LYZL1: variants seen among roughly 807,000 people sequenced by gnomAD.
LYZL1 encodes the protein lysozyme like 1, also known as lysozyme-like protein 1.
In LYZL1, 16 loss-of-function variants were observed where a neutral mutation model predicts 17.9. That is an observed-to-expected ratio of 0.90 (90% CI 0.61 to 1.36). LYZL1 has a LOEUF of 1.36. Among genes scored for constraint, LYZL1 ranks in the 40% most tolerant of loss-of-function variants. The pLI is 0.00. For missense variants in LYZL1, 149 were observed against 188.4 expected (o/e 0.79, Z 1.22); for synonymous variants, 58 against 71.8 (o/e 0.81, Z 0.97).
In LYZL1 at chr10:29,289,189, G is replaced by A. The variant is rs2132809221; in HGVS notation, c.-67G>A. On this transcript the variant is annotated 5_prime_UTR_variant, in exon 1 of 5. Coordinates refer to ENST00000649382, the MANE Select transcript of LYZL1 (RefSeq NM_032517.6). ...GTGTTTCTTCCGCAGACTCAACTGA[G>A]AAGTCAGCCTCTGGGGCAGGCACCA... 6.2e-7 allele frequency: 1 copy of A among 1,601,170 alleles called. No individual in the cohort carries two copies. The highest frequency in any genetic ancestry group is 1.7e-4 in the Middle Eastern group (1 of 5,998).
At chr10:29,303,548 A>T (rs1018971454) in intron 3 of LYZL1, among the ~76,000 whole-genome samples, 1 of 152,184 alleles carries the variant, frequency 6.6e-6, no homozygotes, top group Non-Finnish European at 1.5e-5. Flanking sequence ...GTTTCATTCC[A>T]GTTAAGGAAG....
intron 3 of LYZL1, among the ~76,000 whole-genome samples, chr10:29,293,139 T>C (rs1249986440): frequency 1.4e-5 from 2 of 144,194 alleles, no homozygotes; most frequent in African/African-American, 2.5e-5. Flanking sequence ...TTTTTCTTTT[T>C]TTTTTTTTTT....
At position 29,292,655 on chromosome 10, in the gene LYZL1, C is replaced by T; in HGVS notation, c.276C>T (p.Asn92=). The part of the protein sequence containing the change: ...WCRRGKLKEN[N]HCHVACSALI... ...GACGCGGAAAGCTGAAGGAGAACAA[C>T]CACTGCCATGTCGCCTGCTCAGGTG... Residue 92 remains asparagine, a synonymous_variant, in exon 3 of 5, where the codon AAC becomes AAT. Coordinates refer to ENST00000649382, the MANE Select transcript of LYZL1 (RefSeq NM_032517.6). 6 of 1,614,096 alleles carry T rather than the reference C, an allele frequency of 3.7e-6. No homozygotes were observed. Among genetic ancestry groups the T allele is most frequent in the Non-Finnish European group, 3.4e-6 (4 of 1,179,964 alleles).
At chr10:29,303,783 G>C (rs1272845877) in intron 3 of LYZL1, among the ~76,000 whole-genome samples, 3 of 152,140 alleles carry the variant, frequency 2.0e-5, no homozygotes, top group African/African-American at 7.2e-5. Flanking sequence ...TTTTTTATTA[G>C]AACAATGTCA....
At chr10:29,310,034 G>A in intron 3 of LYZL1, 76 bp from the exon 4 acceptor site, 1 of 1,016,752 alleles carries the variant, frequency 9.8e-7, no homozygotes. Context: ...ACTGAGAAAA[G>A]TGAAGTAAAG....
chr10:29,316,844 G>A (rs1030313823), intron 3 of LYZL1, among the ~76,000 whole-genome samples: 4 of 151,610 alleles, frequency 2.6e-5, no homozygotes, highest in South Asian at 2.1e-4. Flanking sequence ...AGCCTCCCAC[G>A]TAGCTGGGAC....
Position 29,293,127 on chromosome 10 carries a change from C to CTTTTTTTTTTTTTTT in LYZL1, c.298+456_298+457insTTTTTTTTTTTTTTT, listed in dbSNP as rs778807136. Among the ~76,000 whole-genome samples, 5 of 104,196 alleles carry CTTTTTTTTTTTTTTT rather than the reference C, an allele frequency of 4.8e-5. 1 individual carries two copies. The highest frequency in any genetic ancestry group is 9.9e-5 in the Non-Finnish European group (5 of 50,618). The allele number at this position is 104,196 out of a possible 152,430, so 68.4% of individuals were successfully genotyped here. Reference sequence around the variant, plus strand: ...TCTTTCTTTTTTTTTCTTTTCTTTTCTTTTTTCTTTTTTTTTTTTTTTTGA... The same window carrying CTTTTTTTTTTTTTTT: ...TCTTTCTTTTTTTTTCTTTTCTTTTCTTTTTTTTTTTTTTTTTTTTTCTTTTTTTTTTTTTTTTGA... On this transcript the variant is annotated intron_variant, in intron 3 of 4. Transcript: ENST00000649382.
downstream of LYZL1, among the ~76,000 whole-genome samples, chr10:29,313,534 T>A (rs1835696634): frequency 6.6e-6 from 1 of 152,214 alleles, no homozygotes; most frequent in Non-Finnish European, 1.5e-5. Context: ...ACATTGGCTG[T>A]CCTAACATTA....
chr10:29,312,579 C>T (rs16930149), downstream of LYZL1, among the ~76,000 whole-genome samples: 5,337 of 152,234 alleles, frequency 0.035, 160 homozygotes, highest in South Asian at 0.079. Flanking sequence ...CAACCTTAGA[C>T]GTGCAGATTT....
intron 3 of LYZL1, among the ~76,000 whole-genome samples, chr10:29,307,011 C>A (rs191717848): frequency 6.6e-6 from 1 of 152,190 alleles, no homozygotes; most frequent in African/African-American, 2.4e-5. Context: ...CATGCCACCA[C>A]GCCTGGCTAA....
At chr10:29,307,020 A>G (rs748945727) in intron 3 of LYZL1, among the ~76,000 whole-genome samples, 2 of 151,982 alleles carry the variant, frequency 1.3e-5, no homozygotes, top group Non-Finnish European at 2.9e-5. Flanking sequence ...ACGCCTGGCT[A>G]ATTTTTGTAT....
downstream of LYZL1, among the ~76,000 whole-genome samples, chr10:29,315,551 T>A (rs1447603833): frequency 6.6e-6 from 1 of 151,598 alleles, no homozygotes; most frequent in South Asian, 2.1e-4. Flanking sequence ...ATAAATACCA[T>A]AAAAATAAAA....
chr10:29,304,045 G>C (rs1835557341), intron 3 of LYZL1, among the ~76,000 whole-genome samples: 1 of 152,212 alleles, frequency 6.6e-6, no homozygotes, highest in Non-Finnish European at 1.5e-5. Context: ...ACAGGCGTGA[G>C]CCACTGCACC....
In LYZL1 at chr10:29,304,976, C is replaced by T. The variant is rs1835571295; in HGVS notation, c.299-5134C>T. On this transcript the variant is annotated intron_variant, in intron 3 of 4. Coordinates refer to ENST00000649382, the MANE Select transcript of LYZL1 (RefSeq NM_032517.6). ...CACCGTCCCAGAAATCCTTACAGGGCATCCACAATCAAACTGCCCTGCCCC... is the reference window on the plus strand; with the variant it reads ...CACCGTCCCAGAAATCCTTACAGGGTATCCACAATCAAACTGCCCTGCCCC... 2.0e-5 allele frequency among the ~76,000 whole-genome samples: 3 copies of T among 152,202 alleles called. No individual in the cohort carries two copies. The South Asian group carries it at 6.2e-4, about 32-fold the overall frequency.
chr10:29,313,900 C>T (rs1428761806), downstream of LYZL1, among the ~76,000 whole-genome samples: 1 of 152,180 alleles, frequency 6.6e-6, no homozygotes, highest in Non-Finnish European at 1.5e-5. Flanking sequence ...TAGTGATTGG[C>T]TTATGTGGGT....
chr10:29,292,515 C>T lies in LYZL1; in HGVS notation c.140-4C>T. On this transcript the variant is annotated splice_region_variant and splice_polypyrimidine_tract_variant and intron_variant, in intron 2 of 4. Transcript: ENST00000649382. ...GCTGGCGTTTCTGGCTTTCCCCCCT[C>T]CAGGGATCTGCATGGCATATTATGA... is the stretch of plus-strand genomic sequence containing the variant. 1 of 1,612,926 alleles carries T rather than the reference C, an allele frequency of 6.2e-7. No individual in the cohort carries two copies. The highest frequency in any genetic ancestry group is 8.5e-7 in the Non-Finnish European group (1 of 1,179,608).
downstream of LYZL1, among the ~76,000 whole-genome samples, chr10:29,313,268 A>G (rs1835693916): frequency 6.6e-6 from 1 of 152,246 alleles, no homozygotes; most frequent in Non-Finnish European, 1.5e-5. Context: ...TGAAAAATGT[A>G]GAATCCATTA....
rs1835325876 is a variant in LYZL1, at chr10:29,289,197, C to T, written c.-59C>T. ...TCCGCAGACTCAACTGAGAAGTCAG[C>T]CTCTGGGGCAGGCACCAGGAATCTG... On this transcript the variant is annotated 5_prime_UTR_variant, in exon 1 of 5. Coordinates refer to ENST00000649382, the MANE Select transcript of LYZL1 (RefSeq NM_032517.6). 1 of 1,597,132 alleles carries T rather than the reference C, an allele frequency of 6.3e-7. No individual in the cohort carries two copies. Among genetic ancestry groups the T allele is most frequent in the African/African-American group, 1.4e-5 (1 of 73,674 alleles).
At chr10:29,313,061 G>A (rs373252818), downstream of LYZL1, among the ~76,000 whole-genome samples, 4 of 152,000 alleles carry the variant, frequency 2.6e-5, no homozygotes, top group Admixed American at 6.5e-5. Context: ...CCTGCCCACC[G>A]GCTTGCCTTG....
Sources: allele counts gnomAD v4.1 joint callset (sites outside exome capture counted in the v4.1 genomes callset), GRCh38; gene constraint gnomAD v4.1.1; transcripts MANE v1.5; gene names NCBI Gene and HGNC (gene_info 2026-07-23, HGNC 2026-07-21).